Variants in TLN2 observed in about 807,000 individuals in gnomAD.
TLN2 encodes the protein talin 2, also known as talin-2.
In TLN2, 118 loss-of-function variants were observed where a neutral mutation model predicts 294.7. The ratio of observed to expected loss-of-function variants is 0.40; its 90% confidence interval spans 0.34 to 0.47. The LOEUF (loss-of-function observed/expected upper bound fraction) is 0.47, where lower values mean the gene tolerates loss of function less well. TLN2 is among the 20% of genes least tolerant of loss of function. The probability of loss-of-function intolerance (pLI) is 0.84; values close to 1 mark genes in which losing one functional copy is unlikely to be tolerated. For synonymous variants in TLN2, 1,431 were observed against 1,304.5 expected, an observed-to-expected ratio of 1.10 and a Z score of -2.09; for missense variants, 3,083 against 3,282.2, an observed-to-expected ratio of 0.94 and a Z score of 1.48.
intron 54 of TLN2, among the ~76,000 whole-genome samples, chr15:62,821,545 G>A (rs954765130): frequency 2.0e-5 from 3 of 152,246 alleles, no homozygotes; most frequent in African/African-American, 7.2e-5. Context: ...AGCAGTGCCT[G>A]GGCCAGTGTA....
At position 62,839,071 on chromosome 15, in the gene TLN2, G is replaced by GTTTATTTCTTCCTCGTGT. The variant is rs367885780; in HGVS notation, c.7500+91_7500+108dup. 1,202 of 1,505,012 alleles carry GTTTATTTCTTCCTCGTGT rather than the reference G, an allele frequency of 8.0e-4. 8 individuals carry two copies. The African/African-American group carries it at 0.014, about 18-fold the overall frequency. 93.2% of individuals were successfully genotyped at this position (1,505,012 alleles called of 1,614,324 possible). A position where few individuals can be genotyped will look rare whatever the true frequency, so the allele number is the denominator to read the frequency against. On this transcript the variant is annotated intron_variant, in intron 58 of 58. Coordinates refer to ENST00000636159, the MANE Select transcript of TLN2 (RefSeq NM_015059.3). ...AAAGAATAGTGACTTCAAGATGAAA[G>GTTTATTTCTTCCTCGTGT]TTTATTTCTTCCTCGTGTACCAGAG...
intron 1 of TLN2, among the ~76,000 whole-genome samples, chr15:62,411,872 G>T (rs531149481): frequency 1.8e-4 from 27 of 152,204 alleles, no homozygotes; most frequent in Non-Finnish European, 3.4e-4. Context: ...GAGACAAGGG[G>T]ACCCACGGGT....
intron 1 of TLN2, among the ~76,000 whole-genome samples, chr15:62,444,149 G>A (rs1485808051): frequency 6.6e-6 from 1 of 152,340 alleles, no homozygotes; most frequent in African/African-American, 2.4e-5. Context: ...AGAAGTCTGA[G>A]AAGCCAGAGA....
intron 15 of TLN2, 36 bp downstream of exon 15, chr15:62,697,904 C>T: frequency 6.2e-7 from 1 of 1,600,472 alleles, no homozygotes; most frequent in Middle Eastern, 2.1e-4. Context: ...ACTCGTTAGT[C>T]TGCTGCCTCC....
chr15:62,815,835 C>A (rs1170295370), intron 52 of TLN2, among the ~76,000 whole-genome samples: 2 of 152,196 alleles, frequency 1.3e-5, no homozygotes, highest in Non-Finnish European at 2.9e-5. Context: ...ATATTTTAAA[C>A]AAACATACCA....
chr15:62,819,768 T>A, intron 53 of TLN2, 147 bp downstream of exon 53: 2 of 648,542 alleles, frequency 3.1e-6, no homozygotes, highest in Non-Finnish European at 5.2e-6. Flanking sequence ...TGCAAGCAAA[T>A]GGGTTTAGAG....
At chr15:62,760,972 C>T (rs1466532208) in intron 37 of TLN2, among the ~76,000 whole-genome samples, 1 of 152,194 alleles carries the variant, frequency 6.6e-6, no homozygotes, top group Non-Finnish European at 1.5e-5. Flanking sequence ...GTCTTATCTG[C>T]TCTTCTAACA....
At chr15:62,562,340 C>G (rs761927228) in intron 1 of TLN2, among the ~76,000 whole-genome samples, 1 of 152,036 alleles carries the variant, frequency 6.6e-6, no homozygotes, top group Non-Finnish European at 1.5e-5. Context: ...GGGACAGTTG[C>G]CTGACACCTG....
At chr15:62,632,447 A>C (rs1440920598) in intron 3 of TLN2, among the ~76,000 whole-genome samples, 1 of 152,040 alleles carries the variant, frequency 6.6e-6, no homozygotes, top group East Asian at 1.9e-4. Context: ...CTTATTCCAG[A>C]CTTGTCACCC....
chr15:62,579,657 A>G (rs1449697478), intron 1 of TLN2, among the ~76,000 whole-genome samples: 4 of 152,234 alleles, frequency 2.6e-5, no homozygotes, highest in South Asian at 4.1e-4. Flanking sequence ...GTGTCCCCTG[A>G]AGAGGATGCC....
intron 1 of TLN2, among the ~76,000 whole-genome samples, chr15:62,398,706 T>A (rs949567759): frequency 6.6e-6 from 1 of 152,218 alleles, no homozygotes; most frequent in Non-Finnish European, 1.5e-5. Flanking sequence ...TTTTTGCCCA[T>A]GCCCTAGAGA....
At chr15:62,630,932 C>T (rs944286259) in intron 3 of TLN2, among the ~76,000 whole-genome samples, 2 of 151,766 alleles carry the variant, frequency 1.3e-5, no homozygotes, top group African/African-American at 4.8e-5. Context: ...AGACATCTTC[C>T]CCCCAGTAAA....
intron 19 of TLN2, 152 bp from the exon 20 acceptor site, chr15:62,706,934 C>A (rs375571258): frequency 3.4e-6 from 3 of 886,222 alleles, no homozygotes; most frequent in Non-Finnish European, 4.9e-6. Flanking sequence ...TTAATTACTT[C>A]TAAGGATAAG....
At chr15:62,411,268 A>G (rs2033759982) in intron 1 of TLN2, among the ~76,000 whole-genome samples, 1 of 152,190 alleles carries the variant, frequency 6.6e-6, no homozygotes, top group South Asian at 2.1e-4. Flanking sequence ...TCACCTAACC[A>G]CTGTAAGCCT....
chr15:62,647,258 C>T lies in TLN2; in HGVS notation c.-36-17C>T. The stretch of plus-strand genomic sequence containing the variant: ...TATTATCGTGAACATCAGGGTTTGT[C>T]TCTTTGTGTTTTCCAGACATTCTAA... On this transcript the variant is annotated splice_polypyrimidine_tract_variant and intron_variant, in intron 3 of 58. Coordinates refer to ENST00000636159, the MANE Select transcript of TLN2 (RefSeq NM_015059.3). The T allele has an allele frequency of 6.3e-7, 1 of 1,576,144 alleles. No individual in the cohort carries two copies. Among genetic ancestry groups the T allele is most frequent in the South Asian group, 1.2e-5 (1 of 86,546 alleles).
chr15:62,476,845 C>T (rs1171479317), intron 1 of TLN2, among the ~76,000 whole-genome samples: 1 of 152,212 alleles, frequency 6.6e-6, no homozygotes, highest in African/African-American at 2.4e-5. Context: ...TCTCATCCAT[C>T]ATGTCTCATC....
intron 52 of TLN2, among the ~76,000 whole-genome samples, chr15:62,810,254 C>T (rs562627385): frequency 1.2e-4 from 18 of 152,240 alleles, no homozygotes; most frequent in Non-Finnish European, 1.5e-5. Context: ...TTCAGGAAAG[C>T]CCAGTTCTCT....
At chr15:62,441,923 A>G (rs1434688986) in intron 1 of TLN2, among the ~76,000 whole-genome samples, 1 of 152,094 alleles carries the variant, frequency 6.6e-6, no homozygotes. Context: ...CCCTTCCCTC[A>G]TACCTCGCCC....
At chr15:62,674,585 T>C (rs1596632499) in intron 10 of TLN2, among the ~76,000 whole-genome samples, 1 of 144,058 alleles carries the variant, frequency 6.9e-6, no homozygotes, top group Non-Finnish European at 1.5e-5. Context: ...CCTCCGTACC[T>C]CCCCCCGCCC....
Sources: allele counts gnomAD v4.1 joint callset (sites outside exome capture counted in the v4.1 genomes callset), GRCh38; gene constraint gnomAD v4.1.1; transcripts MANE v1.5; gene names NCBI Gene and HGNC (gene_info 2026-07-23, HGNC 2026-07-21).